RUSF1: variants seen among roughly 807,000 people sequenced by gnomAD.
RUSF1 encodes the protein RUS1 family protein C16orf58.
RUSF1 carries 58 observed loss-of-function variants against 63.0 expected under a neutral mutation model. The observed-to-expected ratio is 0.92, with a 90% CI of 0.75 to 1.15. The LOEUF (loss-of-function observed/expected upper bound fraction) is 1.15, where lower values mean the gene tolerates loss of function less well. Ranked by LOEUF, RUSF1 falls within the 50% of genes most tolerant of loss-of-function variation. RUSF1 has a pLI of 0.00. For missense variants in RUSF1, 652 were observed against 611.0 expected, an observed-to-expected ratio of 1.07 and a Z score of -0.71; for synonymous variants, 274 against 255.8, an observed-to-expected ratio of 1.07 and a Z score of -0.68.
chr16:31,499,653 C>A, intron 3 of RUSF1, 128 bp from the exon 4 acceptor site: 1 of 844,824 alleles, frequency 1.2e-6, no homozygotes, highest in Non-Finnish European at 1.8e-6. Context: ...AGACAGACAT[C>A]TGTCCCCACA....
At chr16:31,492,484 TCTC>T in intron 10 of RUSF1, 144 bp from the exon 11 acceptor site, 1 of 954,726 alleles carries the variant, frequency 1.0e-6, no homozygotes, top group Non-Finnish European at 1.4e-6. Context: ...TTCCAATTCA[TCTC>T]CTGTTGCTCC....
intron 12 of RUSF1, 148 bp from the exon 13 acceptor site, chr16:31,491,080 G>C: frequency 1.4e-6 from 1 of 691,858 alleles, no homozygotes; most frequent in Non-Finnish European, 2.4e-6. Flanking sequence ...ACCACACCTG[G>C]CTGCAGCAAG....
chr16:31,505,754 T>A lies in RUSF1; in HGVS notation c.415+2010A>T, dbSNP rs151192651. Among the ~76,000 whole-genome samples, 325 of 152,270 alleles carry A rather than the reference T, an allele frequency of 2.1e-3. 3 individuals are homozygous for A. Among genetic ancestry groups the A allele is most frequent in the African/African-American group, 7.1e-3 (294 of 41,556 alleles). On this transcript the variant is annotated intron_variant, in intron 2 of 12. Coordinates refer to ENST00000327237, the MANE Select transcript of RUSF1 (RefSeq NM_022744.4). ...AACCACAGTTAATGAGGCAAATGAC[T>A]CTGGAGGAAACATTTTAAAAAGCCA... is the stretch of plus-strand genomic sequence containing the variant.
At chr16:31,498,791 C>G (rs555280147) in intron 5 of RUSF1, among the ~76,000 whole-genome samples, 1 of 152,324 alleles carries the variant, frequency 6.6e-6, no homozygotes, top group East Asian at 1.9e-4. Context: ...ACTCCATCTT[C>G]AGGACCCAGG....
At chr16:31,501,283 GATAA>G (rs1425372991) in intron 2 of RUSF1, among the ~76,000 whole-genome samples, 1 of 151,904 alleles carries the variant, frequency 6.6e-6, no homozygotes, top group East Asian at 2.0e-4. Flanking sequence ...GCTATTATGG[GATAA>G]ATAAATAAAA....
chr16:31,495,961 A>G (rs1037216886), intron 6 of RUSF1, among the ~76,000 whole-genome samples: 1 of 152,330 alleles, frequency 6.6e-6, no homozygotes, highest in Middle Eastern at 3.4e-3. Flanking sequence ...TGCACAGAAC[A>G]GCAGTTTCTA....
Position 31,492,177 on chromosome 16 carries a change from C to T in RUSF1, c.1231+20G>A. 1 of 1,610,272 alleles carries T rather than the reference C, an allele frequency of 6.2e-7. No homozygotes were observed. Among genetic ancestry groups the T allele is most frequent in the East Asian group, 2.2e-5 (1 of 44,790 alleles). The stretch of plus-strand genomic sequence containing the variant: ...CTCCCCACCCTGAGGCATCAGCAGT[C>T]TAAATCTTGAGGCACTTACCTGCCC... On this transcript the variant is annotated intron_variant, in intron 11 of 12. Coordinates refer to ENST00000327237, the MANE Select transcript of RUSF1 (RefSeq NM_022744.4).
At chr16:31,504,046 C>G (rs2082645675) in intron 2 of RUSF1, among the ~76,000 whole-genome samples, 1 of 151,852 alleles carries the variant, frequency 6.6e-6, no homozygotes, top group Non-Finnish European at 1.5e-5. Context: ...CTACAGGTGC[C>G]TGCCACCACG....
chr16:31,499,632 C>T, intron 3 of RUSF1, 107 bp from the exon 4 acceptor site: 1 of 1,047,154 alleles, frequency 9.5e-7, no homozygotes, highest in Non-Finnish European at 1.4e-6. Context: ...CTCAGGAAAA[C>T]CCACACCCCC....
chr16:31,496,951 C>G lies in RUSF1; in HGVS notation c.601-1G>C, dbSNP rs1218156119. ...CCCCACCAGCAACACTCACGATGCA[C>G]TGGGTGGGAGGGGAAGAGAGAAGGT... On this transcript the variant is annotated splice_acceptor_variant, in intron 5 of 12. Coordinates refer to ENST00000327237, the MANE Select transcript of RUSF1 (RefSeq NM_022744.4). LOFTEE classifies it high-confidence loss of function. 1.2e-6 allele frequency: 2 copies of G among 1,601,778 alleles called. No homozygotes were observed. The highest frequency in any genetic ancestry group is 1.7e-6 in the Non-Finnish European group (2 of 1,174,940).
rs78479643 is a variant in RUSF1, at chr16:31,496,033, C to T, written c.702+816G>A. 6.2e-3 allele frequency among the ~76,000 whole-genome samples: 951 copies of T among 152,252 alleles called. 9 individuals are homozygous for T. Among genetic ancestry groups the T allele is most frequent in the African/African-American group, 0.02 (817 of 41,536 alleles). ...CTGGGACTTCCCTGGGCCTTAATTT[C>T]CTCATCTGTAAACTAGGGATAAAGT... On this transcript the variant is annotated intron_variant, in intron 6 of 12. Transcript: ENST00000327237.
intron 5 of RUSF1, among the ~76,000 whole-genome samples, chr16:31,497,438 G>C (rs561998278): frequency 1.3e-5 from 2 of 152,132 alleles, no homozygotes; most frequent in Non-Finnish European, 2.9e-5. Flanking sequence ...ATCAAGGAGG[G>C]TCACTGGTCA....
At position 31,490,178 on chromosome 16, in the gene RUSF1, C is replaced by T. The variant is rs745742859; in HGVS notation, c.*657G>A. On this transcript the variant is annotated 3_prime_UTR_variant, in exon 13 of 13. Coordinates refer to ENST00000327237, the MANE Select transcript of RUSF1 (RefSeq NM_022744.4). The stretch of plus-strand genomic sequence containing the variant: ...ACCTGGATGCTGATGAGCAGCAAGG[C>T]TCCTCACTCCCTGTACAGAATGGGT... The T allele has an allele frequency of 1.2e-6, 2 of 1,614,202 alleles. No individual in the cohort carries two copies. Among genetic ancestry groups the T allele is most frequent in the South Asian group, 2.2e-5 (2 of 91,084 alleles).
At chr16:31,496,080 G>A (rs986386221) in intron 6 of RUSF1, among the ~76,000 whole-genome samples, 4 of 152,132 alleles carry the variant, frequency 2.6e-5, no homozygotes, top group African/African-American at 9.7e-5. Flanking sequence ...CAAAGGGTTG[G>A]TGTGAGAGTT....
At chr16:31,501,858 T>C (rs2082634568) in intron 2 of RUSF1, among the ~76,000 whole-genome samples, 1 of 152,168 alleles carries the variant, frequency 6.6e-6, no homozygotes, top group Admixed American at 6.5e-5. Context: ...ATCACTAAAC[T>C]GTTTCTACTC....
Position 31,491,971 on chromosome 16 carries a change from C to A in RUSF1, c.1309+38G>T, listed in dbSNP as rs1426610076. On this transcript the variant is annotated intron_variant, in intron 12 of 12. Coordinates refer to ENST00000327237, the MANE Select transcript of RUSF1 (RefSeq NM_022744.4). ...GAAGGCGGGGCCCCCAGGGACAAGG[C>A]TTCAGGGGCCAAGCAGCCATGGGCT... 1.9e-6 allele frequency: 3 copies of A among 1,610,430 alleles called. No homozygotes were observed. The African/African-American group carries it at 4.0e-5, about 22-fold the overall frequency.
intron 5 of RUSF1, among the ~76,000 whole-genome samples, chr16:31,497,404 C>T (rs2082609735): frequency 6.6e-6 from 1 of 152,248 alleles, no homozygotes; most frequent in East Asian, 1.9e-4. Context: ...AGATCTCTCC[C>T]TCTGAGATCG....
intron 10 of RUSF1, among the ~76,000 whole-genome samples, chr16:31,492,776 A>G (rs190810437): frequency 1.3e-5 from 2 of 152,348 alleles, no homozygotes; most frequent in East Asian, 3.9e-4. Flanking sequence ...ACCGCAAGGA[A>G]TAAGGCAGGT....
Position 31,490,511 on chromosome 16 carries a change from G to C in RUSF1, c.*324C>G, listed in dbSNP as rs2142639192. 6.2e-7 allele frequency: 1 copy of C among 1,613,132 alleles called. No homozygotes were observed. The stretch of plus-strand genomic sequence containing the variant: ...CCCTGCTCATGATGGCAGTGGCCGT[G>C]TTCCTCTGGGGCTTCTATGCCTAAG... On this transcript the variant is annotated 3_prime_UTR_variant, in exon 13 of 13. Transcript: ENST00000327237.
Sources: gnomAD v4.1 joint callset for allele counts (sites outside exome capture counted in the v4.1 genomes callset) on GRCh38, gnomAD v4.1.1 for gene constraint, MANE v1.5 for transcripts, NCBI Gene and HGNC (gene_info 2026-07-23, HGNC 2026-07-21) for gene names.